Variants in DOCK1 observed in about 807,000 individuals in gnomAD.
The protein encoded by DOCK1 is dedicator of cytokinesis 1, also known as dedicator of cytokinesis protein 1.
Under a neutral mutation model 262.7 loss-of-function variants are expected in DOCK1, and 138 were observed. That is an observed-to-expected ratio of 0.53 (90% CI 0.46 to 0.61). DOCK1 has a LOEUF of 0.61. DOCK1 is among the 20% of genes least tolerant of loss of function. The pLI, the probability that DOCK1 is intolerant of heterozygous loss-of-function variation, is 0.00. For missense variants in DOCK1, 1,908 were observed against 2,370.7 expected (o/e 0.80, Z 4.05); for synonymous variants, 866 against 867.4 (o/e 1.00, Z 0.03).
chr10:127,100,823 C>A lies in DOCK1; in HGVS notation c.2446-5408C>A, dbSNP rs1004063484. 6.6e-6 allele frequency among the ~76,000 whole-genome samples: 1 copy of A among 152,028 alleles called. No individual in the cohort carries two copies. Among genetic ancestry groups the A allele is most frequent in the African/African-American group, 2.4e-5 (1 of 41,382 alleles). On this transcript the variant is annotated intron_variant, in intron 23 of 51. Coordinates refer to ENST00000623213, the MANE Select transcript of DOCK1 (RefSeq NM_001290223.2). This position sits in a 1 kb window ranked among gnomAD's most constrained non-coding sequence, Gnocchi z 5.5. ...CCTTGGCAGGAACAGAGCTGTGGTG[C>A]GGGCCGGAGTCAGGCTGCAGTGGGA...
intron 23 of DOCK1, among the ~76,000 whole-genome samples, chr10:127,065,044 C>T (rs1018181644): frequency 6.6e-6 from 1 of 152,102 alleles, no homozygotes; most frequent in East Asian, 1.9e-4. Flanking sequence ...GAGACTCGCT[C>T]AGTCTCCCAT....
intron 27 of DOCK1, among the ~76,000 whole-genome samples, chr10:127,178,134 C>T (rs1346073294): frequency 6.6e-6 from 1 of 152,208 alleles, no homozygotes; most frequent in Non-Finnish European, 1.5e-5. Context: ...AAGTAAGTGA[C>T]ATGACTAGCC....
chr10:127,308,150 T>C (rs1473653128), intron 29 of DOCK1, among the ~76,000 whole-genome samples: 5 of 152,218 alleles, frequency 3.3e-5, no homozygotes, highest in Non-Finnish European at 7.3e-5. Flanking sequence ...GGAAACCACA[T>C]GCCTTTCTCT....
chr10:126,965,527 G>A (rs2037606127), intron 1 of DOCK1, among the ~76,000 whole-genome samples: 2 of 152,108 alleles, frequency 1.3e-5, no homozygotes, highest in African/African-American at 2.4e-5. Flanking sequence ...CTTGGGCCAG[G>A]CAGTGTGGAG....
intron 33 of DOCK1, among the ~76,000 whole-genome samples, chr10:127,364,215 C>A (rs2064764440): frequency 6.6e-6 from 1 of 152,160 alleles, no homozygotes; most frequent in African/African-American, 2.4e-5. Flanking sequence ...GAGGAGCACA[C>A]AGGAGATGAA....
intron 29 of DOCK1, among the ~76,000 whole-genome samples, chr10:127,272,678 A>G (rs1019587040): frequency 6.6e-6 from 1 of 152,218 alleles, no homozygotes; most frequent in Admixed American, 6.5e-5. Context: ...CCCCTGCATT[A>G]GTCCGTGTTC....
chr10:127,440,174 G>T (rs1408579573), intron 49 of DOCK1, among the ~76,000 whole-genome samples: 2 of 144,206 alleles, frequency 1.4e-5, no homozygotes, highest in African/African-American at 5.1e-5. Flanking sequence ...GGGGTGGGGG[G>T]TGTGTTCCAG....
chr10:127,361,106 CTT>C (rs1175942298), intron 32 of DOCK1, among the ~76,000 whole-genome samples: 1,163 of 87,182 alleles, frequency 0.013, 5 homozygotes, highest in African/African-American at 0.053. Flanking sequence ...TAAAGTAGTT[CTT>C]TTTTTTTTTT....
chr10:127,103,445 C>T (rs564416645), intron 23 of DOCK1, among the ~76,000 whole-genome samples: 159 of 152,188 alleles, frequency 1.0e-3, no homozygotes, highest in Non-Finnish European at 1.6e-3. Flanking sequence ...GGTTGAAGAG[C>T]GTGGGGTGAA....
chr10:127,364,538 G>A (rs1289176724), intron 33 of DOCK1, among the ~76,000 whole-genome samples: 1 of 152,128 alleles, frequency 6.6e-6, no homozygotes, highest in Non-Finnish European at 1.5e-5. Context: ...GCTAATTTTT[G>A]TATTTTTAGT....
rs74161527 is a variant in DOCK1, at chr10:127,021,653, C to T, written c.1328-1547C>T. 7.8e-3 allele frequency among the ~76,000 whole-genome samples: 1,193 copies of T among 152,298 alleles called. 22 individuals carry two copies. The highest frequency in any genetic ancestry group is 0.027 in the African/African-American group (1,111 of 41,580). Reference sequence around the variant, plus strand: ...GTTGGGTGGCCTTGCACCTGCCCCTCGTCCTGTGCTCCACGGTTCTTCTCG... The same window carrying T: ...GTTGGGTGGCCTTGCACCTGCCCCTTGTCCTGTGCTCCACGGTTCTTCTCG... On this transcript the variant is annotated intron_variant, in intron 13 of 51. Coordinates refer to ENST00000623213, the MANE Select transcript of DOCK1 (RefSeq NM_001290223.2).
intron 29 of DOCK1, among the ~76,000 whole-genome samples, chr10:127,283,457 T>G (rs986390472): frequency 6.6e-6 from 1 of 152,224 alleles, no homozygotes; most frequent in Admixed American, 6.5e-5. Context: ...CTGAATAGTT[T>G]CCTTCCGATG....
At chr10:127,404,015 C>T (rs1234701997) in intron 39 of DOCK1, among the ~76,000 whole-genome samples, 2 of 152,202 alleles carry the variant, frequency 1.3e-5, no homozygotes, top group Non-Finnish European at 2.9e-5. Context: ...TAAGGGCCAG[C>T]CATTTCTATG....
chr10:127,261,312 C>CATGTGGGTGTGGGTGTGT (rs1564945090), intron 29 of DOCK1, among the ~76,000 whole-genome samples: 1 of 29,734 alleles, frequency 3.4e-5, no homozygotes, highest in Admixed American at 4.5e-4. Context: ...TGTGTGTGTG[C>CATGTGGGTGTGGGTGTGT]CTGCATGTGT....
intron 29 of DOCK1, among the ~76,000 whole-genome samples, chr10:127,258,037 T>G (rs2059888583): frequency 6.6e-6 from 1 of 152,222 alleles, no homozygotes; most frequent in African/African-American, 2.4e-5. Flanking sequence ...CATTGCAATT[T>G]TTATGGAGAT....
At chr10:126,949,535 C>T (rs1200149574) in intron 1 of DOCK1, among the ~76,000 whole-genome samples, 1 of 152,062 alleles carries the variant, frequency 6.6e-6, no homozygotes, top group Non-Finnish European at 1.5e-5. Context: ...CAGTACATCC[C>T]CTGCTTAATT....
Position 127,008,542 on chromosome 10 carries a change from A to G in DOCK1, c.986-190A>G, listed in dbSNP as rs74973051. 3.4e-3 allele frequency among the ~76,000 whole-genome samples: 514 copies of G among 151,414 alleles called. 5 individuals are homozygous for G. The highest frequency in any genetic ancestry group is 0.012 in the African/African-American group (490 of 41,224). On this transcript the variant is annotated intron_variant, in intron 10 of 51. Transcript: ENST00000623213. The stretch of plus-strand genomic sequence containing the variant: ...ATGGAACTCTGCCATTTGAGCCCCA[A>G]TTCCATTTGGGCCAGCATTTTCTGA...
At chr10:127,356,828 C>A (rs1246711348) in intron 32 of DOCK1, among the ~76,000 whole-genome samples, 1 of 152,162 alleles carries the variant, frequency 6.6e-6, no homozygotes, top group African/African-American at 2.4e-5. Context: ...TTACCCTGGC[C>A]CCTCCTAAAA....
At chr10:127,022,378 G>A (rs542346497) in intron 13 of DOCK1, among the ~76,000 whole-genome samples, 17 of 151,986 alleles carry the variant, frequency 1.1e-4, no homozygotes, top group Admixed American at 4.6e-4. Flanking sequence ...TGTGCACAAC[G>A]TGCAGGTTTG....
Sources: gnomAD v4.1 joint callset for allele counts (sites outside exome capture counted in the v4.1 genomes callset) on GRCh38, gnomAD v4.1.1 for gene constraint, Gnocchi (gnomAD v3.1) non-coding constraint, MANE v1.5 for transcripts, NCBI Gene and HGNC (gene_info 2026-07-23, HGNC 2026-07-21) for gene names.